The following GUCY1B1 variants were observed in gnomAD, a reference collection of about 807,000 sequenced individuals.
GUCY1B1 encodes guanylate cyclase 1 soluble subunit beta 1, also known as guanylate cyclase soluble subunit beta-1.
A neutral mutation model predicts 71.0 loss-of-function variants in GUCY1B1; 43 were observed. The observed-to-expected ratio is 0.61, with a 90% CI of 0.47 to 0.78. GUCY1B1 has a LOEUF of 0.78. Among genes scored for constraint, GUCY1B1 ranks in the 30% least tolerant of loss-of-function variants. The pLI, the probability that GUCY1B1 is intolerant of heterozygous loss-of-function variation, is 0.00. For synonymous variants in GUCY1B1, 266 were observed against 259.7 expected, an observed-to-expected ratio of 1.02 and a Z score of -0.23; for missense variants, 535 against 754.1, an observed-to-expected ratio of 0.71 and a Z score of 3.40.
chr4:155,800,990 C>T (rs1162411881), intron 9 of GUCY1B1, among the ~76,000 whole-genome samples: 1 of 152,160 alleles, frequency 6.6e-6, no homozygotes, highest in Non-Finnish European at 1.5e-5. Context: ...CTAATATCTA[C>T]ATTCATGATA....
At chr4:155,785,034 T>A (rs1355874657) in intron 4 of GUCY1B1, among the ~76,000 whole-genome samples, 2 of 152,146 alleles carry the variant, frequency 1.3e-5, no homozygotes, top group Non-Finnish European at 2.9e-5. Context: ...AACTAATTTT[T>A]CTTTTATAAA....
At chr4:155,801,280 C>G (rs1436592699) in intron 9 of GUCY1B1, among the ~76,000 whole-genome samples, 1 of 152,084 alleles carries the variant, frequency 6.6e-6, no homozygotes, top group Non-Finnish European at 1.5e-5. Context: ...ACTATTTGCA[C>G]CATTTCGAGT....
chr4:155,784,568 C>T (rs902505491), intron 4 of GUCY1B1, among the ~76,000 whole-genome samples: 12 of 151,992 alleles, frequency 7.9e-5, no homozygotes, highest in African/African-American at 2.9e-4. Flanking sequence ...AATACTATAC[C>T]TCATCCTCCT....
chr4:155,785,233 T>A (rs1738684519), intron 4 of GUCY1B1: 1 of 951,854 alleles, frequency 1.1e-6, no homozygotes, highest in Admixed American at 2.1e-5. Context: ...CTCTCTATAT[T>A]TTTCCTGTTT....
At chr4:155,784,343 C>T (rs1383032094) in intron 4 of GUCY1B1, among the ~76,000 whole-genome samples, 2 of 152,110 alleles carry the variant, frequency 1.3e-5, no homozygotes, top group Non-Finnish European at 2.9e-5. Context: ...CTTCCTACTC[C>T]AATCTCATGC....
chr4:155,802,061 C>A lies in GUCY1B1; in HGVS notation c.1176-281C>A, dbSNP rs1025439806. On this transcript the variant is annotated intron_variant, in intron 9 of 13. Transcript: ENST00000264424. The surrounding 1 kb of genome is among the most constrained non-coding windows in gnomAD (Gnocchi z 4.3). Reference sequence around the variant, plus strand: ...AAAACTTTGATTTTCTATTACCAGTCTTTTTGTTTTGTCTGTTTGCTTGGC... The same window carrying A: ...AAAACTTTGATTTTCTATTACCAGTATTTTTGTTTTGTCTGTTTGCTTGGC... Among the ~76,000 whole-genome samples, 11 of 152,058 alleles carry A rather than the reference C, an allele frequency of 7.2e-5. No homozygotes were observed. Among genetic ancestry groups the A allele is most frequent in the Non-Finnish European group, 1.6e-4 (11 of 68,008 alleles).
intron 1 of GUCY1B1, 106 bp downstream of exon 1, chr4:155,759,249 G>A (rs1201456534): frequency 6.1e-6 from 7 of 1,144,652 alleles, no homozygotes; most frequent in South Asian, 1.5e-5. Flanking sequence ...GGCCCTGGGC[G>A]CTCACTGCCG....
chr4:155,791,588 A>G lies in GUCY1B1; in HGVS notation c.495+1677A>G, dbSNP rs1183410079. Among the ~76,000 whole-genome samples, 10 of 150,954 alleles carry G rather than the reference A, an allele frequency of 6.6e-5. No homozygotes were observed. In the South Asian group the frequency reaches 1.5e-3, roughly 22 times the overall value. On this transcript the variant is annotated intron_variant, in intron 5 of 13. Transcript: ENST00000264424. Reference sequence around the variant, plus strand: ...TACTAAAAATACTAAAAAAATAGCCAGGCGTGGTGGCGGGCGCCTATAATC... The same window carrying G: ...TACTAAAAATACTAAAAAAATAGCCGGGCGTGGTGGCGGGCGCCTATAATC...
At chr4:155,779,426 G>A (rs1413429945) in intron 4 of GUCY1B1, among the ~76,000 whole-genome samples, 2 of 152,102 alleles carry the variant, frequency 1.3e-5, no homozygotes, top group African/African-American at 2.4e-5. Flanking sequence ...TATATTGATT[G>A]ATTTCATGTT....
At chr4:155,801,967 G>A (rs77454020) in intron 9 of GUCY1B1, among the ~76,000 whole-genome samples, 4 of 152,064 alleles carry the variant, frequency 2.6e-5, no homozygotes, top group African/African-American at 9.7e-5. Context: ...CATGTTTTAG[G>A]TGCTGGTAAT....
chr4:155,789,661 T>C (rs1451627466), intron 4 of GUCY1B1, 53 bp from the exon 5 acceptor site: 5 of 1,028,756 alleles, frequency 4.9e-6, no homozygotes, highest in African/African-American at 3.2e-5. Context: ...TCCCAGAGTC[T>C]GCTGTCATTG....
chr4:155,795,524 A>G (rs888240022), intron 7 of GUCY1B1, 67 bp downstream of exon 7: 9 of 745,358 alleles, frequency 1.2e-5, no homozygotes, highest in East Asian at 5.1e-5. Context: ...TTCAGGGGGG[A>G]AAATTATCAC....
Position 155,789,927 on chromosome 4 carries a change from GGA to G in GUCY1B1, c.495+19_495+20del, listed in dbSNP as rs777302156. 4.6e-6 allele frequency: 7 copies of G among 1,529,630 alleles called. No homozygotes were observed. Among genetic ancestry groups the G allele is most frequent in the Non-Finnish European group, 6.3e-6 (7 of 1,109,660 alleles). The allele number at this position is 1,529,630 out of a possible 1,614,324, so 94.8% of individuals were successfully genotyped here. A position where few individuals can be genotyped will look rare whatever the true frequency, so the allele number is the denominator to read the frequency against. On this transcript the variant is annotated intron_variant, in intron 5 of 13. Transcript: ENST00000264424. ...AGACATGAAGGTAACAAACAGCAAT[GGA>G]GACTTCTGAACACAGATGACATCTA... is the stretch of plus-strand genomic sequence containing the variant.
intron 5 of GUCY1B1, among the ~76,000 whole-genome samples, chr4:155,793,162 G>A (rs1366214497): frequency 2.0e-5 from 3 of 151,912 alleles, no homozygotes; most frequent in African/African-American, 4.8e-5. Context: ...TACAACCTCT[G>A]CCTCCCCAGG....
At chr4:155,793,771 T>A (rs1038203588) in intron 5 of GUCY1B1, 85 bp from the exon 6 acceptor site, 2 of 657,048 alleles carry the variant, frequency 3.0e-6, no homozygotes. Context: ...CTAAATGCAG[T>A]ATTCATAACT....
chr4:155,805,157 C>A lies in GUCY1B1; in HGVS notation c.1764C>A (p.Gly588=). Residue 588 remains glycine (G), a synonymous_variant, in exon 13 of 14, where the codon GGC becomes GGA. Transcript: ENST00000264424. Reference sequence around the variant, plus strand: ...CACAATTCCACTTGGAGCACAGAGGCCCAGTGTCCATGAAGGGCAAAAAAG... The same window carrying A: ...CACAATTCCACTTGGAGCACAGAGGACCAGTGTCCATGAAGGGCAAAAAAG... ...SDPQFHLEHR[G]PVSMKGKKEP... 2 of 1,611,580 alleles carry A rather than the reference C, an allele frequency of 1.2e-6. No individual in the cohort carries two copies. Among genetic ancestry groups the A allele is most frequent in the South Asian group, 2.2e-5 (2 of 90,968 alleles).
At position 155,802,707 on chromosome 4, in the gene GUCY1B1, G is replaced by A. The variant is rs1363821841; in HGVS notation, c.1413+128G>A. 5.7e-6 allele frequency: 4 copies of A among 701,758 alleles called. No homozygotes were observed. Among genetic ancestry groups the A allele is most frequent in the Non-Finnish European group, 9.4e-6 (4 of 425,664 alleles). The allele number at this position is 701,758 out of a possible 1,614,324, so 43.5% of individuals were successfully genotyped here. A position where few individuals can be genotyped will look rare whatever the true frequency, so the allele number is the denominator to read the frequency against. ...AGCCTTGAGTACAGTGAGCCTCCAT[G>A]TATTCACTCTTTACCATGTTCTTAA... On this transcript the variant is annotated intron_variant, in intron 10 of 13. Coordinates refer to ENST00000264424, the MANE Select transcript of GUCY1B1 (RefSeq NM_000857.5). The surrounding 1 kb of genome is among the most constrained non-coding windows in gnomAD (Gnocchi z 4.3).
chr4:155,806,090 G>A (rs1438777630), intron 13 of GUCY1B1, among the ~76,000 whole-genome samples: 2 of 152,178 alleles, frequency 1.3e-5, no homozygotes, highest in Admixed American at 6.6e-5. Flanking sequence ...AAAGGGAATA[G>A]AATGCCAGGG....
At chr4:155,803,181 T>C (rs1042084659) in intron 10 of GUCY1B1, among the ~76,000 whole-genome samples, 5 of 152,238 alleles carry the variant, frequency 3.3e-5, no homozygotes, top group African/African-American at 7.2e-5. Flanking sequence ...TATTTTATAG[T>C]CATTTTCTGA....
Sources: gnomAD v4.1 joint callset for allele counts (sites outside exome capture counted in the v4.1 genomes callset) on GRCh38, gnomAD v4.1.1 for gene constraint, Gnocchi (gnomAD v3.1) non-coding constraint, MANE v1.5 for transcripts, NCBI Gene and HGNC (gene_info 2026-07-23, HGNC 2026-07-21) for gene names.